The following KIAA1671 variants were observed in gnomAD, a reference collection of about 807,000 sequenced individuals.
KIAA1671 encodes the protein KIAA1671.
A neutral mutation model predicts 131.2 loss-of-function variants in KIAA1671; 52 were observed. That is an observed-to-expected ratio of 0.40 (90% CI 0.32 to 0.50). KIAA1671 has a LOEUF of 0.50. KIAA1671 is among the 20% of genes least tolerant of loss of function. KIAA1671 has a pLI of 0.73. For missense variants in KIAA1671, 2,360 were observed against 2,364.2 expected (o/e 1.00, Z 0.04); for synonymous variants, 1,003 against 961.6 (o/e 1.04, Z -0.80).
intron 9 of KIAA1671, among the ~76,000 whole-genome samples, chr22:25,178,164 C>T (rs1934107302): frequency 1.3e-5 from 2 of 152,176 alleles, no homozygotes; most frequent in Non-Finnish European, 2.9e-5. Flanking sequence ...ACAGCCTCCC[C>T]CACCGCCGTC....
chr22:25,145,919 G>A lies in KIAA1671; in HGVS notation c.4531-24901G>A, dbSNP rs569476120. ...CACGCCACTGTACTCCAGCCTGGGC[G>A]ACAGAACACAGCCCTATCTCTAAAA... is the stretch of plus-strand genomic sequence containing the variant. On this transcript the variant is annotated intron_variant, in intron 6 of 12. Transcript: ENST00000358431. Among the ~76,000 whole-genome samples, 43 of 149,678 alleles carry A rather than the reference G, an allele frequency of 2.9e-4. No individual in the cohort carries two copies. The South Asian group carries it at 8.6e-3, about 30-fold the overall frequency.
chr22:24,970,849 T>C (rs1217042628), intron 1 of KIAA1671, among the ~76,000 whole-genome samples: 1 of 152,156 alleles, frequency 6.6e-6, no homozygotes, highest in Non-Finnish European at 1.5e-5. Flanking sequence ...TGATCTAGTA[T>C]ATTTATAACA....
At chr22:25,005,362 A>G (rs920001557) in intron 1 of KIAA1671, among the ~76,000 whole-genome samples, 1 of 151,682 alleles carries the variant, frequency 6.6e-6, no homozygotes, top group Non-Finnish European at 1.5e-5. Context: ...AAAAAAAAAA[A>G]AAGAAAAAAA....
chr22:25,004,997 T>C (rs1455506394), intron 1 of KIAA1671, among the ~76,000 whole-genome samples: 1 of 151,496 alleles, frequency 6.6e-6, no homozygotes, highest in African/African-American at 2.4e-5. Flanking sequence ...TAAAACTCAC[T>C]AACTGTCAAT....
chr22:24,957,965 CTTTTTTTTTTT>C (rs140702390), intron 1 of KIAA1671, among the ~76,000 whole-genome samples: 1 of 114,468 alleles, frequency 8.7e-6, no homozygotes, highest in Non-Finnish European at 1.7e-5. Flanking sequence ...GGCACCCGGC[CTTTTTTTTTTT>C]TTTTTTTTTT....
intron 1 of KIAA1671, among the ~76,000 whole-genome samples, chr22:24,959,317 C>T (rs891050154): frequency 2.6e-5 from 4 of 151,480 alleles, no homozygotes; most frequent in African/African-American, 9.7e-5. Flanking sequence ...ACCAGCATGG[C>T]CAACATGGTG....
chr22:25,086,712 C>G (rs1929741393), intron 6 of KIAA1671, among the ~76,000 whole-genome samples: 1 of 152,178 alleles, frequency 6.6e-6, no homozygotes, highest in Non-Finnish European at 1.5e-5. Flanking sequence ...GGAAATCCCC[C>G]AAAGGCCGGC....
chr22:25,050,651 A>C (rs1429935891), intron 6 of KIAA1671: 1 of 152,254 alleles, frequency 6.6e-6, no homozygotes, highest in African/African-American at 2.4e-5. Context: ...GGAGTGATGC[A>C]GAACAGCCAC....
intron 6 of KIAA1671, among the ~76,000 whole-genome samples, chr22:25,132,884 A>G (rs1932504447): frequency 6.6e-6 from 1 of 152,074 alleles, no homozygotes; most frequent in Admixed American, 6.6e-5. Context: ...GCGAAATCCC[A>G]TCTCTACTAA....
At chr22:25,182,990 A>C (rs1934343330) in intron 10 of KIAA1671, among the ~76,000 whole-genome samples, 1 of 151,582 alleles carries the variant, frequency 6.6e-6, no homozygotes, top group African/African-American at 2.4e-5. Flanking sequence ...CCTCCTCCCC[A>C]CGTCCAGCTC....
intron 6 of KIAA1671, among the ~76,000 whole-genome samples, chr22:25,131,786 C>T (rs189923986): frequency 1.3e-5 from 2 of 152,386 alleles, no homozygotes; most frequent in Non-Finnish European, 2.9e-5. Flanking sequence ...GGCTGGTTCC[C>T]TGTTCAGATC....
Position 25,100,259 on chromosome 22 carries a change from T to C in KIAA1671, c.4530+50895T>C, listed in dbSNP as rs190274526. 4.7e-4 allele frequency among the ~76,000 whole-genome samples: 72 copies of C among 152,242 alleles called. No individual in the cohort carries two copies. In the East Asian group the frequency reaches 7.6e-3, roughly 16 times the overall value. On this transcript the variant is annotated intron_variant, in intron 6 of 12. Transcript: ENST00000358431. ...ACCTGCTGGTCACTGGAGCTGTCGA[T>C]GTGGTTGAGTTTTCGTCAGAACTGA...
At chr22:24,953,762 C>A (rs1196544350) in intron 1 of KIAA1671, among the ~76,000 whole-genome samples, 1 of 152,182 alleles carries the variant, frequency 6.6e-6, no homozygotes, top group Admixed American at 6.5e-5. Context: ...AGGCGTGTGA[C>A]CTCCACCGCG....
chr22:24,954,428 T>TA (rs1164005635), intron 1 of KIAA1671, among the ~76,000 whole-genome samples: 2 of 152,160 alleles, frequency 1.3e-5, no homozygotes, highest in Non-Finnish European at 2.9e-5. Context: ...GGATCCTTTT[T>TA]AAAGGATTTG....
intron 1 of KIAA1671, among the ~76,000 whole-genome samples, chr22:24,983,959 G>A (rs1220889868): frequency 6.6e-6 from 1 of 151,858 alleles, no homozygotes; most frequent in Non-Finnish European, 1.5e-5. Context: ...TGTGTTTTTA[G>A]TAGAGATGGG....
At chr22:25,082,891 G>T (rs187993097) in intron 6 of KIAA1671, among the ~76,000 whole-genome samples, 1 of 152,088 alleles carries the variant, frequency 6.6e-6, no homozygotes. Flanking sequence ...CTGAGGCAGG[G>T]ACATACAACT....
rs927650089 is a variant in KIAA1671, at chr22:25,040,688, C to G, written c.3558C>G (p.Phe1186Leu). 5.2e-6 allele frequency: 8 copies of G among 1,552,142 alleles called. No homozygotes were observed. Among genetic ancestry groups the G allele is most frequent in the Non-Finnish European group, 6.1e-6 (7 of 1,147,086 alleles). Residue 1186 changes from phenylalanine (F) to leucine (L), a missense_variant, in exon 5 of 13, where the codon TTC (phenylalanine) becomes TTG (leucine). By Grantham distance (22) the Phe-to-Leu change is conservative. This residue lies in a region of KIAA1671 where 1,161 missense variants were observed against 1,204.7 expected (regional missense o/e 0.96). Transcript: ENST00000358431. ...AGACTGATGTGATCAGTGACACGTT[C>G]CCAGGTAAAATCAGAGATGGCTACA... is the stretch of plus-strand genomic sequence containing the variant. ...RRKTDVISDT[F>L]PGKIRDGYRS... is the part of the protein sequence containing the mutation.
At chr22:25,179,307 C>G in intron 9 of KIAA1671, 1 of 1,579,628 alleles carries the variant, frequency 6.3e-7, no homozygotes, top group Non-Finnish European at 8.6e-7. Flanking sequence ...CGTCCCGGGC[C>G]CTTAGCCCGA....
chr22:24,990,947 C>A (rs1015556279), intron 1 of KIAA1671, among the ~76,000 whole-genome samples: 3 of 152,138 alleles, frequency 2.0e-5, no homozygotes, highest in Non-Finnish European at 2.9e-5. Flanking sequence ...CACACTGTCC[C>A]ACCCCTGGCC....
Sources: allele counts gnomAD v4.1 joint callset (sites outside exome capture counted in the v4.1 genomes callset), GRCh38; gene constraint gnomAD v4.1.1; regional missense constraint gnomAD v4.1.1; transcripts MANE v1.5; gene names NCBI Gene and HGNC (gene_info 2026-07-23, HGNC 2026-07-21).